The following TTN variants were observed in gnomAD, a reference collection of about 807,000 sequenced individuals.
TTN encodes connectin.
Under a neutral mutation model 3,223.0 loss-of-function variants are expected in TTN, and 1,525 were observed. The observed-to-expected ratio is 0.47, with a 90% CI of 0.45 to 0.49. The LOEUF is 0.49. TTN is among the 20% of genes least tolerant of loss of function. TTN has a pLI of 0.00. For synonymous variants in TTN, 14,094 were observed against 15,161.0 expected (o/e 0.93, Z 5.17); for missense variants, 40,786 against 43,424.0 (o/e 0.94, Z 5.40).
At position 178,706,950 on chromosome 2, in the gene TTN, T is replaced by C. The variant is rs2075974524; in HGVS notation, c.29046A>G (p.Lys9682=). 6.2e-7 allele frequency: 1 copy of C among 1,604,090 alleles called. No homozygotes were observed. The highest frequency in any genetic ancestry group is 1.3e-5 in the African/African-American group (1 of 74,584). Reference sequence around the variant, plus strand: ...TCTTGGTTGCTGGGGCCACAGCTGGTTTGTCTGAAAAAACATTTACATGTT... The same window carrying C: ...TCTTGGTTGCTGGGGCCACAGCTGGCTTGTCTGAAAAAACATTTACATGTT... ...TTKSKVTIKD[K]PAVAPATKKA... Residue 9682 remains lysine (K), a synonymous_variant, in exon 101 of 363, where the codon AAA becomes AAG. Coordinates refer to ENST00000589042, the MANE Select transcript of TTN (RefSeq NM_001267550.2).
Position 178,682,971 on chromosome 2 carries a change from A to G in TTN, c.32888-68T>C, listed in dbSNP as rs1403494267. ...CTTTTAAGGATGACTGATAGTAACA[A>G]TGTGCTTTGATTTTATTCTTTTGCG... On this transcript the variant is annotated intron_variant, in intron 134 of 362. Transcript: ENST00000589042. 16 of 1,367,512 alleles carry G rather than the reference A, an allele frequency of 1.2e-5. No individual in the cohort carries two copies. In the South Asian group the frequency reaches 2.0e-4, roughly 17 times the overall value. 84.7% of individuals were successfully genotyped at this position (1,367,512 alleles called of 1,614,324 possible). A position where few individuals can be genotyped will look rare whatever the true frequency, so the allele number is the denominator to read the frequency against.
chr2:178,781,077 A>G (rs1009645424), intron 21 of TTN, 44 bp downstream of exon 21: 2 of 1,613,116 alleles, frequency 1.2e-6, no homozygotes, highest in African/African-American at 1.3e-5. Flanking sequence ...ATCTCCTTGT[A>G]TTTCAGTTCT....
intron 3 of TTN, among the ~76,000 whole-genome samples, chr2:178,801,343 A>G (rs1440178938): frequency 1.3e-5 from 2 of 152,200 alleles, no homozygotes; most frequent in African/African-American, 4.8e-5. Context: ...GATTTTGAGT[A>G]ATAAACAACA....
In TTN at chr2:178,775,487, C is replaced by T; in HGVS notation, c.6377G>A (p.Trp2126Ter). 6.2e-7 allele frequency: 1 copy of T among 1,614,000 alleles called. No individual in the cohort carries two copies. ...VKIERSDRIY[W>*]YWPEDNVCEL... ...ACAAACATTGTCTTCGGGCCAGTAC[C>T]AGTAGATCCGGTCAGACCGTTCAAT... Residue 2126 changes from tryptophan to a stop codon, truncating the protein, a stop_gained, in exon 28 of 363, where the codon TGG becomes TAG. Coordinates refer to ENST00000589042, the MANE Select transcript of TTN (RefSeq NM_001267550.2). LOFTEE classifies it high-confidence loss of function.
chr2:178,755,432 A>G (rs897915731), intron 46 of TTN, among the ~76,000 whole-genome samples: 1 of 152,082 alleles, frequency 6.6e-6, no homozygotes, highest in East Asian at 1.9e-4. Flanking sequence ...CCCAATTTTC[A>G]ATTTTCTATT....
At position 178,728,626 on chromosome 2, in the gene TTN, T is replaced by C. The variant is rs1378850655; in HGVS notation, c.19300A>G (p.Ser6434Gly). 6.2e-7 allele frequency: 1 copy of C among 1,613,316 alleles called. No individual in the cohort carries two copies. The change falls in exon 66 of 363, where the codon AGT (serine) becomes GGT (glycine). Residue 6434 changes from serine (S) to glycine (G), a missense_variant. By Grantham distance (56) the Ser-to-Gly change is moderately conservative. Transcript: ENST00000589042. ...QIVPSRYFSMSFENNVASFRI... is the reference protein window; with the variant it reads ...QIVPSRYFSMGFENNVASFRI... ...AAACTGGCCACGTTATTTTCAAAAC[T>C]CATTGAAAAGTATCTACTGGGAACT...
rs564531244 is a variant in TTN at position 178,630,410 on chromosome 2, C to A, written c.44155-43G>T. Reference sequence around the variant, plus strand: ...AAAAACTTTCATAGAAAATAATTTTCTTTGAAATTTTGTTCTAAGGATAGA... The same window carrying A: ...AAAAACTTTCATAGAAAATAATTTTATTTGAAATTTTGTTCTAAGGATAGA... On this transcript the variant is annotated intron_variant, in intron 238 of 362. Transcript: ENST00000589042. The A allele has an allele frequency of 1.7e-5, 27 of 1,548,320 alleles. No homozygotes were observed. The East Asian group carries it at 4.9e-4, about 28-fold the overall frequency.
In TTN at chr2:178,621,168, G is replaced by C. The variant is rs374605722; in HGVS notation, c.45550C>G (p.Gln15184Glu). ...RVLVVKDATL[Q>E]DMGTYVVMVG... Reference sequence around the variant, plus strand: ...ATGACAACGTAAGTGCCCATATCTTGTAATGTGGCATCTTTCACAACTAGG... The same window carrying C: ...ATGACAACGTAAGTGCCCATATCTTCTAATGTGGCATCTTTCACAACTAGG... The change falls in exon 246 of 363, where the codon CAA becomes GAA. Residue 15184 changes from glutamine to glutamate, a missense_variant. By Grantham distance (29) the Gln-to-Glu change is conservative. Coordinates refer to ENST00000589042, the MANE Select transcript of TTN (RefSeq NM_001267550.2). 1 of 1,612,618 alleles carries C rather than the reference G, an allele frequency of 6.2e-7. No individual in the cohort carries two copies. The highest frequency in any genetic ancestry group is 1.3e-5 in the African/African-American group (1 of 74,954).
In TTN at chr2:178,729,435, T is replaced by C; in HGVS notation, c.18721A>G (p.Ser6241Gly). ...TCGGTCAATGTGTATTTTTTGCTGC[T>C]TCGAATTTCCCTGTTATTCTTCAGC... ...TWLKNNREIRSSKKYTLTDRV... is the reference protein window; with the variant it reads ...TWLKNNREIRGSKKYTLTDRV... The change falls in exon 64 of 363, where the codon AGC (serine) becomes GGC (glycine). Residue 6241 changes from serine to glycine, a missense_variant. Physicochemically the swap from Ser to Gly is moderately conservative, Grantham distance 56. Transcript: ENST00000589042. 1 of 1,613,662 alleles carries C rather than the reference T, an allele frequency of 6.2e-7. No individual in the cohort carries two copies. The highest frequency in any genetic ancestry group is 8.5e-7 in the Non-Finnish European group (1 of 1,179,666).
chr2:178,632,820 C>A, intron 234 of TTN, 28 bp from the exon 235 acceptor site: 1 of 1,612,584 alleles, frequency 6.2e-7, no homozygotes, highest in South Asian at 1.1e-5. Flanking sequence ...TGGATGAAGT[C>A]AGAATACGTT....
At chr2:178,696,991 T>A in intron 113 of TTN, 130 bp downstream of exon 113, 2 of 785,456 alleles carry the variant, frequency 2.5e-6, no homozygotes, top group Non-Finnish European at 4.0e-6. Context: ...TTTCTAATGC[T>A]AAATTTAACA....
At chr2:178,551,563 C>T (rs1559197803) in intron 335 of TTN, 67 bp downstream of exon 335, 3 of 1,311,580 alleles carry the variant, frequency 2.3e-6, no homozygotes, top group Admixed American at 2.8e-5. Context: ...GAAAAGCATT[C>T]CTTGATATAT....
In TTN at chr2:178,535,822, G is replaced by A. The variant is rs1272515576; in HGVS notation, c.100793C>T (p.Thr33598Ile). ...EVPAKIHLPK[T>I]LEGMGAVHAL... ...ATGAACTGCTCCCATGCCTTCAAGA[G>A]TTTTAGGTAAGTGTATCTTAGCTGG... is the stretch of plus-strand genomic sequence containing the variant. Residue 33598 changes from threonine to isoleucine, a missense_variant, in exon 358 of 363, where the codon ACT becomes ATT. By Grantham distance (89) the Thr-to-Ile change is moderately conservative (BLOSUM62 -1). Coordinates refer to ENST00000589042, the MANE Select transcript of TTN (RefSeq NM_001267550.2). 6.3e-7 allele frequency: 1 copy of A among 1,585,528 alleles called. No homozygotes were observed. Among genetic ancestry groups the A allele is most frequent in the African/African-American group, 1.4e-5 (1 of 73,016 alleles).
At position 178,653,209 on chromosome 2, in the gene TTN, A is replaced by G. The variant is rs1269374736; in HGVS notation, c.38791+29T>C. ...TCTTCAACTGCAAAAGAATTAGATC[A>G]TCTGAAGCCTAAGGTCAGTGACAAA... On this transcript the variant is annotated intron_variant, in intron 198 of 362. Transcript: ENST00000589042. 1.9e-6 allele frequency: 3 copies of G among 1,598,246 alleles called. No individual in the cohort carries two copies. In the Middle Eastern group the frequency reaches 5.4e-4, roughly 286 times the overall value.
Position 178,614,260 on chromosome 2 carries a change from A to G in TTN, c.49137T>C (p.Gly16379=). Residue 16379 remains glycine (G), a synonymous_variant, in exon 262 of 363, where the codon GGT becomes GGC. Transcript: ENST00000589042. ...CAACATAGTTTGTGATCTTAGATCC[A>G]CCATCATCGCGTGGTGGGTTCCATG... ...LLTWNPPRDD[G]GSKITNYVVE... is the part of the protein sequence containing the mutation. The G allele has an allele frequency of 6.2e-7, 1 of 1,612,674 alleles. No individual in the cohort carries two copies. Among genetic ancestry groups the G allele is most frequent in the Non-Finnish European group, 8.5e-7 (1 of 1,179,276 alleles).
intron 236 of TTN, among the ~76,000 whole-genome samples, chr2:178,631,888 C>T (rs1396398153): frequency 6.6e-6 from 1 of 152,008 alleles, no homozygotes. Flanking sequence ...TTAAACATGA[C>T]AGGGCTCAAT....
At chr2:178,772,189 T>G (rs2091608174) in intron 33 of TTN, among the ~76,000 whole-genome samples, 2 of 152,320 alleles carry the variant, frequency 1.3e-5, no homozygotes, top group South Asian at 2.1e-4. Context: ...ATTTAAAACA[T>G]GTAATTTATA....
rs1575286611 is a variant in TTN at position 178,534,922 on chromosome 2, A to G, written c.101693T>C (p.Leu33898Pro). 2 of 1,611,232 alleles carry G rather than the reference A, an allele frequency of 1.2e-6. No individual in the cohort carries two copies. The highest frequency in any genetic ancestry group is 1.1e-5 in the South Asian group (1 of 91,074). The change falls in exon 358 of 363, where the codon CTT (leucine) becomes CCT (proline). Residue 33898 changes from leucine (L) to proline (P), a missense_variant. Coordinates refer to ENST00000589042, the MANE Select transcript of TTN (RefSeq NM_001267550.2). ...LVMIFEFISG[L>P]DIFERINTSA... ...TGTGTTAATGCGCTCAAATATGTCA[A>G]GTCCTGATATAAACTCAAAGATCAT...
Position 178,614,358 on chromosome 2 carries a change from G to A in TTN, c.49049-10C>T, listed in dbSNP as rs2154201624. ...GGTGGTCCGGGTTTATCTGTGTATG[G>A]CATTACAGATGCAGAAAAAAAAATT... On this transcript the variant is annotated splice_polypyrimidine_tract_variant and intron_variant, in intron 261 of 362. Transcript: ENST00000589042. The A allele has an allele frequency of 1.3e-6, 2 of 1,583,412 alleles. No individual in the cohort carries two copies. The highest frequency in any genetic ancestry group is 2.2e-5 in the East Asian group (1 of 44,502).
Sources: gnomAD v4.1 joint callset for allele counts (sites outside exome capture counted in the v4.1 genomes callset) on GRCh38, gnomAD v4.1.1 for gene constraint, MANE v1.5 for transcripts, NCBI Gene and HGNC (gene_info 2026-07-23, HGNC 2026-07-21) for gene names.